SEMA3A: variants seen among roughly 807,000 people sequenced by gnomAD.
The protein encoded by SEMA3A is semaphorin-3A.
A neutral mutation model predicts 97.9 loss-of-function variants in SEMA3A; 29 were observed. The observed-to-expected ratio is 0.30, with a 90% confidence interval of 0.22 to 0.40. The LOEUF is 0.40. Ranked by LOEUF, SEMA3A falls within the 10% of genes least tolerant of loss-of-function variation. The pLI, the probability that SEMA3A is intolerant of heterozygous loss-of-function variation, is 1.00. For missense variants in SEMA3A, 763 were observed against 951.3 expected (o/e 0.80, Z 2.60); for synonymous variants, 321 against 323.7 (o/e 0.99, Z 0.09).
At chr7:83,971,580 T>C (rs1344477422) in intron 15 of SEMA3A, among the ~76,000 whole-genome samples, 1 of 152,204 alleles carries the variant, frequency 6.6e-6, no homozygotes, top group East Asian at 1.9e-4. Flanking sequence ...ATGTCTAGTA[T>C]GACATTTTCA....
intron 1 of SEMA3A, among the ~76,000 whole-genome samples, chr7:84,471,836 T>G (rs1806160197): frequency 6.6e-6 from 1 of 152,212 alleles, no homozygotes; most frequent in East Asian, 1.9e-4. Context: ...GAAATCTTTT[T>G]TTAGATCCCT....
intron 3 of SEMA3A, among the ~76,000 whole-genome samples, chr7:84,303,246 C>T (rs1032883429): frequency 3.3e-5 from 5 of 152,090 alleles, no homozygotes; most frequent in African/African-American, 7.2e-5. Context: ...GAGTCAAGGC[C>T]GTGAGGTAAG....
rs183515608 is a variant in SEMA3A at position 84,097,244 on chromosome 7, T to C, written c.453+13226A>G. On this transcript the variant is annotated intron_variant, in intron 4 of 16. Transcript: ENST00000265362. ...ACCCTGGCACGTATACAAAACCGCA[T>C]TTGCAACACAAGAAAAATACAGACT... is the stretch of plus-strand genomic sequence containing the variant. Among the ~76,000 whole-genome samples the C allele has an allele frequency of 2.6e-3, 395 of 152,250 alleles. 1 individual carries two copies. Among genetic ancestry groups the C allele is most frequent in the African/African-American group, 9.0e-3 (375 of 41,558 alleles).
intron 1 of SEMA3A, among the ~76,000 whole-genome samples, chr7:84,151,175 C>T (rs1210890151): frequency 2.0e-5 from 3 of 151,900 alleles, no homozygotes; most frequent in Admixed American, 6.6e-5. Flanking sequence ...CTCTAAAAAT[C>T]AGAGCGCCTC....
chr7:84,061,716 T>A (rs1404330282), intron 4 of SEMA3A, among the ~76,000 whole-genome samples: 2 of 152,144 alleles, frequency 1.3e-5, no homozygotes, highest in Admixed American at 1.3e-4. Flanking sequence ...TTATTACTCT[T>A]AAAACTCATT....
rs551727945 is a variant in SEMA3A at position 84,205,873 on chromosome 7, TACTAA to T, written c.-82-11210_-82-11206del. ...AAATGTGGAAAGCCACTTAGTCTCT[TACTAA>T]ACTGAGTCTATCAGAAAGTGGTTCG... On this transcript the variant is annotated intron_variant, in intron 3 of 3. Coordinates refer to the SEMA3A transcript ENST00000424555. 1.4e-3 allele frequency among the ~76,000 whole-genome samples: 219 copies of T among 152,364 alleles called. 2 individuals carry two copies. The highest frequency in any genetic ancestry group is 5.2e-3 in the African/African-American group (216 of 41,582).
At chr7:83,980,603 CAAA>C (rs749889921) in intron 14 of SEMA3A, among the ~76,000 whole-genome samples, 145 of 53,964 alleles carry the variant, frequency 2.7e-3, no homozygotes, top group South Asian at 0.019. Flanking sequence ...GACTCCATCT[CAAA>C]AAAAAAAAAA....
chr7:84,138,443 A>G (rs1584023933), intron 1 of SEMA3A, among the ~76,000 whole-genome samples: 1 of 152,140 alleles, frequency 6.6e-6, no homozygotes, highest in African/African-American at 2.4e-5. Flanking sequence ...ACAGTTCCAA[A>G]CAATGAAAAT....
At chr7:84,021,385 C>T (rs1380388459) in intron 6 of SEMA3A, among the ~76,000 whole-genome samples, 2 of 152,160 alleles carry the variant, frequency 1.3e-5, no homozygotes, top group Middle Eastern at 6.3e-3. Flanking sequence ...CTCCCTCTCT[C>T]GCCTTCAGCT....
intron 3 of SEMA3A, among the ~76,000 whole-genome samples, chr7:84,265,379 A>T (rs1459253624): frequency 6.6e-6 from 1 of 150,390 alleles, no homozygotes; most frequent in Non-Finnish European, 1.5e-5. Flanking sequence ...ATTTAACCTG[A>T]ATCCACTGTA....
At chr7:84,487,174 A>G (rs1405650727) in intron 1 of SEMA3A, among the ~76,000 whole-genome samples, 1 of 152,184 alleles carries the variant, frequency 6.6e-6, no homozygotes, top group Non-Finnish European at 1.5e-5. Context: ...TTTAATATTA[A>G]GCAGGGCTAG....
chr7:84,218,416 C>T (rs562247794), intron 3 of SEMA3A, among the ~76,000 whole-genome samples: 5 of 152,226 alleles, frequency 3.3e-5, no homozygotes, highest in Admixed American at 3.3e-4. Flanking sequence ...ATCTTATCTT[C>T]TGCATTCGGA....
At chr7:84,462,080 TC>T (rs1317289699) in intron 1 of SEMA3A, among the ~76,000 whole-genome samples, 2 of 152,150 alleles carry the variant, frequency 1.3e-5, no homozygotes, top group Non-Finnish European at 1.5e-5. Flanking sequence ...ATTAATAATT[TC>T]TCTCTCTTCG....
rs547335917 is a variant in SEMA3A at position 83,988,710 on chromosome 7, TATA to T, written c.1453-3236_1453-3234del. On this transcript the variant is annotated intron_variant, in intron 12 of 16. Transcript: ENST00000265362. Reference sequence around the variant, plus strand: ...TAAATGAATTATATTAGTTATTAAATATAATAATTTTACACAAAAATTATCAAT... The same window carrying T: ...TAAATGAATTATATTAGTTATTAAATATAATTTTACACAAAAATTATCAAT... Among the ~76,000 whole-genome samples, 727 of 152,176 alleles carry T rather than the reference TATA, an allele frequency of 4.8e-3. 3 individuals carry two copies. The highest frequency in any genetic ancestry group is 0.014 in the African/African-American group (592 of 41,534).
At chr7:84,313,405 T>TATATAA (rs1454447733) in intron 2 of SEMA3A, among the ~76,000 whole-genome samples, 22 of 107,104 alleles carry the variant, frequency 2.1e-4, no homozygotes, top group African/African-American at 3.2e-4. Context: ...TATATATATA[T>TATATAA]AAACTATACG....
intron 1 of SEMA3A, among the ~76,000 whole-genome samples, chr7:84,488,355 T>A (rs892850509): frequency 6.8e-6 from 1 of 147,250 alleles, no homozygotes; most frequent in Non-Finnish European, 1.5e-5. Flanking sequence ...CACACATATA[T>A]ATATGTACTC....
At chr7:84,377,412 A>G (rs1803130137) in intron 1 of SEMA3A, among the ~76,000 whole-genome samples, 1 of 152,118 alleles carries the variant, frequency 6.6e-6, no homozygotes, top group African/African-American at 2.4e-5. Context: ...AGTTGGCTGT[A>G]AATATATGGT....
chr7:84,315,078 A>T (rs1431350829), intron 2 of SEMA3A, among the ~76,000 whole-genome samples: 2 of 152,148 alleles, frequency 1.3e-5, no homozygotes, highest in Non-Finnish European at 2.9e-5. Flanking sequence ...GAATGAGATC[A>T]ACAAGTCAAT....
At chr7:84,102,782 T>C (rs1794997223) in intron 4 of SEMA3A, among the ~76,000 whole-genome samples, 1 of 151,850 alleles carries the variant, frequency 6.6e-6, no homozygotes, top group Non-Finnish European at 1.5e-5. Flanking sequence ...GATTTCACCA[T>C]GTTGGCCAGG....
Sources: allele counts gnomAD v4.1 joint callset (sites outside exome capture counted in the v4.1 genomes callset), GRCh38; gene constraint gnomAD v4.1.1; transcripts MANE v1.5; gene names NCBI Gene and HGNC (gene_info 2026-07-23, HGNC 2026-07-21).